The following NIM1K variants were observed in gnomAD, a reference collection of about 807,000 sequenced individuals.
NIM1K encodes the protein NIM1 serine/threonine protein kinase, also known as serine/threonine-protein kinase NIM1.
Under a neutral mutation model 37.1 loss-of-function variants are expected in NIM1K, and 35 were observed. That is an observed-to-expected ratio of 0.94 (90% CI 0.72 to 1.25). The LOEUF (loss-of-function observed/expected upper bound fraction) is 1.25, where lower values mean the gene tolerates loss of function less well. NIM1K is among the 50% of genes most tolerant of loss of function. The pLI is 0.00. For missense variants in NIM1K, 564 were observed against 548.0 expected (o/e 1.03, Z -0.29); for synonymous variants, 234 against 206.6 (o/e 1.13, Z -1.14).
At chr5:43,262,491 C>G (rs1004826340) in intron 2 of NIM1K, among the ~76,000 whole-genome samples, 1 of 152,164 alleles carries the variant, frequency 6.6e-6, no homozygotes, top group Non-Finnish European at 1.5e-5. Flanking sequence ...TCTTTATCAG[C>G]TTAAGGAGAT....
At chr5:43,227,225 T>C (rs973744947) in intron 1 of NIM1K, among the ~76,000 whole-genome samples, 1 of 152,048 alleles carries the variant, frequency 6.6e-6, no homozygotes, top group Non-Finnish European at 1.5e-5. Context: ...CCCGGCATGG[T>C]GGCGCATGCT....
chr5:43,225,916 T>C (rs1220604046), intron 1 of NIM1K: 1 of 152,228 alleles, frequency 6.6e-6, no homozygotes, highest in East Asian at 1.9e-4. Flanking sequence ...AAAACCACAA[T>C]GTTAACTGCA....
chr5:43,240,211 C>G (rs1333378063), intron 1 of NIM1K: 3 of 151,656 alleles, frequency 2.0e-5, no homozygotes, highest in Non-Finnish European at 4.4e-5. Context: ...GTAGCTGGGA[C>G]TACAGGTGTG....
intron 2 of NIM1K, among the ~76,000 whole-genome samples, chr5:43,249,360 G>A (rs771893117): frequency 3.3e-5 from 5 of 152,116 alleles, no homozygotes; most frequent in Non-Finnish European, 4.4e-5. Flanking sequence ...GAGCCACCGT[G>A]CCCGGCCCTT....
chr5:43,232,649 G>A (rs977801919), intron 1 of NIM1K: 2 of 1,549,990 alleles, frequency 1.3e-6, no homozygotes, highest in East Asian at 2.2e-5. Flanking sequence ...GAAACCTGGG[G>A]TGGTGAGTAA....
intron 1 of NIM1K, among the ~76,000 whole-genome samples, chr5:43,241,098 T>C (rs761934075): frequency 7.9e-5 from 12 of 152,030 alleles, no homozygotes; most frequent in Non-Finnish European, 2.9e-5. Flanking sequence ...AGAATTCCTG[T>C]TTCCCCATAC....
intron 1 of NIM1K, among the ~76,000 whole-genome samples, chr5:43,198,486 C>T (rs937790080): frequency 6.6e-6 from 1 of 150,714 alleles, no homozygotes; most frequent in Non-Finnish European, 1.5e-5. Flanking sequence ...ATTTTTATTG[C>T]CTTTTATTTT....
intron 1 of NIM1K, chr5:43,207,574 A>G (rs1752135777): frequency 1.5e-6 from 1 of 684,070 alleles, no homozygotes; most frequent in Non-Finnish European, 2.8e-6. Flanking sequence ...AGTTTCTCAG[A>G]CTGAATCTTG....
chr5:43,230,563 G>A (rs2112242154), intron 1 of NIM1K, among the ~76,000 whole-genome samples: 1 of 152,264 alleles, frequency 6.6e-6, no homozygotes, highest in Middle Eastern at 3.4e-3. Context: ...TGGTTTTCAA[G>A]TTTGGCTGCA....
intron 2 of NIM1K, among the ~76,000 whole-genome samples, chr5:43,255,754 A>AAAAAAAAGAAAGAAAGAAAG (rs112325348): frequency 7.6e-6 from 1 of 131,808 alleles, no homozygotes; most frequent in South Asian, 2.5e-4. Flanking sequence ...TCTCAAAAAA[A>AAAAAAAAGAAAGAAAGAAAG]AAAGAAAGAA....
chr5:43,236,142 A>T (rs1752618291), intron 1 of NIM1K, among the ~76,000 whole-genome samples: 1 of 151,904 alleles, frequency 6.6e-6, no homozygotes, highest in Non-Finnish European at 1.5e-5. Flanking sequence ...GGTGTGTACC[A>T]GTAGTCCCAG....
intron 1 of NIM1K, among the ~76,000 whole-genome samples, chr5:43,219,070 TCTC>T (rs1752347439): frequency 6.6e-6 from 1 of 152,118 alleles, no homozygotes; most frequent in Non-Finnish European, 1.5e-5. Flanking sequence ...GCTCAGCACT[TCTC>T]CTTGCTGCTA....
chr5:43,206,629 C>T (rs975586832), intron 1 of NIM1K: 3 of 663,502 alleles, frequency 4.5e-6, no homozygotes, highest in Non-Finnish European at 8.4e-6. Flanking sequence ...GTGCAGCGCA[C>T]TCCCTGCCTG....
chr5:43,237,051 G>A (rs1048802285), intron 1 of NIM1K, among the ~76,000 whole-genome samples: 22 of 152,172 alleles, frequency 1.4e-4, no homozygotes, highest in Non-Finnish European at 7.3e-5. Context: ...TTCTCCCTGA[G>A]GGTGCACCTG....
intron 1 of NIM1K, among the ~76,000 whole-genome samples, chr5:43,206,307 G>T (rs1444280515): frequency 1.3e-5 from 2 of 151,854 alleles, no homozygotes; most frequent in African/African-American, 2.4e-5. Flanking sequence ...AGACCAGCCT[G>T]TGCAACATAT....
At chr5:43,198,155 C>CTT (rs1181013020) in intron 1 of NIM1K, among the ~76,000 whole-genome samples, 1 of 49,314 alleles carries the variant, frequency 2.0e-5, no homozygotes, top group Non-Finnish European at 4.4e-5. Context: ...TTCTTTCTTT[C>CTT]TTTCTTTCTT....
chr5:43,214,693 GT>G (rs1752272408), intron 1 of NIM1K, among the ~76,000 whole-genome samples: 1 of 151,646 alleles, frequency 6.6e-6, no homozygotes, highest in Non-Finnish European at 1.5e-5. Context: ...GCGGGTGCCT[GT>G]AGTCCCAGCT....
intron 1 of NIM1K, among the ~76,000 whole-genome samples, chr5:43,197,355 G>C (rs1391695587): frequency 6.6e-6 from 1 of 151,426 alleles, no homozygotes; most frequent in Non-Finnish European, 1.5e-5. Flanking sequence ...ATGTTGCCCA[G>C]GCTGGTCTTG....
At chr5:43,211,451 G>A (rs1752203089) in intron 1 of NIM1K, among the ~76,000 whole-genome samples, 2 of 152,062 alleles carry the variant, frequency 1.3e-5, no homozygotes, top group South Asian at 4.1e-4. Context: ...GAAGTTGTCT[G>A]TCTAAGATCC....
Sources: allele counts gnomAD v4.1 joint callset (sites outside exome capture counted in the v4.1 genomes callset), GRCh38; gene constraint gnomAD v4.1.1; transcripts MANE v1.5; gene names NCBI Gene and HGNC (gene_info 2026-07-23, HGNC 2026-07-21).